RBBP5: variants seen among roughly 807,000 people sequenced by gnomAD.
RBBP5 encodes the protein retinoblastoma-binding protein 5.
In RBBP5, 5 loss-of-function variants were observed where a neutral mutation model predicts 72.2. The ratio of observed to expected loss-of-function variants is 0.07; its 90% CI spans 0.04 to 0.15. The LOEUF is 0.15. Among genes scored for constraint, RBBP5 ranks in the 10% least tolerant of loss-of-function variants. The pLI is 1.00. For synonymous variants in RBBP5, 209 were observed against 237.2 expected, an observed-to-expected ratio of 0.88 and a Z score of 1.09; for missense variants, 322 against 652.2, an observed-to-expected ratio of 0.49 and a Z score of 5.51.
chr1:205,101,319 A>G (rs1655812046), intron 6 of RBBP5, among the ~76,000 whole-genome samples: 1 of 152,218 alleles, frequency 6.6e-6, no homozygotes, highest in South Asian at 2.1e-4. Context: ...AAGTTAATAT[A>G]TACCCAGTGC....
At chr1:205,107,087 T>TATACACAC (rs1553354327) in intron 3 of RBBP5, among the ~76,000 whole-genome samples, 14 of 149,980 alleles carry the variant, frequency 9.3e-5, no homozygotes, top group African/African-American at 3.4e-4. Flanking sequence ...TATATATATA[T>TATACACAC]ACACACACAC....
At position 205,089,685 on chromosome 1, in the gene RBBP5, A is replaced by G. The variant is rs982489497; in HGVS notation, c.1589-870T>C. Among the ~76,000 whole-genome samples, 3 of 152,210 alleles carry G rather than the reference A, an allele frequency of 2.0e-5. No individual in the cohort carries two copies. In the East Asian group the frequency reaches 5.8e-4, roughly 29 times the overall value. ...ATTCACATGTGCCTGAGAACAGACT[A>G]AAGTTACAATGAGATACAAACTTTC... On this transcript the variant is annotated intron_variant, in intron 13 of 13. Transcript: ENST00000264515.
chr1:205,115,824 T>G (rs1216621587), intron 2 of RBBP5, 34 bp downstream of exon 2: 2 of 1,559,442 alleles, frequency 1.3e-6, no homozygotes, highest in Admixed American at 2.1e-5. Context: ...GAAGTTACTA[T>G]GTTCCTAAAA....
rs373309190 is a variant in RBBP5, at chr1:205,094,962, T to C, written c.1499A>G (p.Lys500Arg). Residue 500 changes from lysine (K) to arginine (R), a missense_variant, in exon 13 of 14, where the codon AAA (lysine) becomes AGA (arginine). By Grantham distance (26) the Lys-to-Arg change is conservative (BLOSUM62 2). This residue lies in a region of RBBP5 where 109 missense variants were observed against 146.3 expected (regional missense o/e 0.75). Coordinates refer to ENST00000264515, the MANE Select transcript of RBBP5 (RefSeq NM_005057.4). ...SKGKEKDSPF[K>R]PKLYKGDRGL... is the part of the protein sequence containing the mutation. ...TCTGTCCCCTTTGTAGAGTTTCGGT[T>C]TAAATGGAGAATCTTTCTCTTTACC... 8 of 1,614,054 alleles carry C rather than the reference T, an allele frequency of 5.0e-6. No homozygotes were observed. In the African/African-American group the frequency reaches 9.3e-5, roughly 19 times the overall value.
rs111583149 is a variant in RBBP5, at chr1:205,108,242, C to CAA, written c.219-3076_219-3075dup. Reference sequence around the variant, plus strand: ...TGGGTGACAGAGCATGAATCCGTCTCAAAAAAAAAAAAAATTACTTTTTCT... The same window carrying CAA: ...TGGGTGACAGAGCATGAATCCGTCTCAAAAAAAAAAAAAAAATTACTTTTTCT... On this transcript the variant is annotated intron_variant, in intron 3 of 13. Transcript: ENST00000264515. 1.7e-3 allele frequency among the ~76,000 whole-genome samples: 246 copies of CAA among 141,814 alleles called. 1 individual carries two copies. The highest frequency in any genetic ancestry group is 4.2e-3 in the African/African-American group (160 of 38,466). 93.0% of individuals were successfully genotyped at this position (141,814 alleles called of 152,430 possible).
intron 3 of RBBP5, among the ~76,000 whole-genome samples, chr1:205,109,544 A>G (rs184693186): frequency 3.5e-5 from 5 of 144,486 alleles, no homozygotes; most frequent in Admixed American, 2.9e-4. Context: ...TTTTCCCTCT[A>G]AACTCTTCTG....
At chr1:205,112,322 A>C (rs182960437) in intron 3 of RBBP5, among the ~76,000 whole-genome samples, 61 of 152,326 alleles carry the variant, frequency 4.0e-4, no homozygotes, top group East Asian at 7.7e-4. Flanking sequence ...TGTCTCAAAA[A>C]AATTAAAATA....
chr1:205,102,486 G>C (rs2102289454), intron 5 of RBBP5, among the ~76,000 whole-genome samples: 1 of 152,170 alleles, frequency 6.6e-6, no homozygotes, highest in Middle Eastern at 3.4e-3. Flanking sequence ...AAGGTCAAAG[G>C]GTGTTTCTAG....
At chr1:205,095,333 C>G (rs147539142) in intron 12 of RBBP5, among the ~76,000 whole-genome samples, 3 of 150,958 alleles carry the variant, frequency 2.0e-5, no homozygotes, top group African/African-American at 7.3e-5. Context: ...TGAATGTGGC[C>G]CAACACAAAT....
chr1:205,087,069 T>C lies in RBBP5; in HGVS notation c.*1718A>G, dbSNP rs764396963. ...GAGCTCTTTCTTCAACTACTGAATA[T>C]ACTGGTTTTAAATGATGGAGTGAGA... On this transcript the variant is annotated 3_prime_UTR_variant, in exon 14 of 14. Transcript: ENST00000264515. 6.6e-6 allele frequency: 1 copy of C among 152,210 alleles called. No individual in the cohort carries two copies. The highest frequency in any genetic ancestry group is 1.5e-5 in the Non-Finnish European group (1 of 68,044). 9.4% of individuals were successfully genotyped at this position (152,210 alleles called of 1,614,324 possible).
intron 5 of RBBP5, among the ~76,000 whole-genome samples, chr1:205,102,810 A>G (rs895124738): frequency 1.3e-5 from 2 of 152,104 alleles, no homozygotes; most frequent in Non-Finnish European, 2.9e-5. Context: ...CCTGATCAAC[A>G]TGGAGAGACC....
chr1:205,089,023 T>C (rs1655234894), intron 13 of RBBP5, among the ~76,000 whole-genome samples: 1 of 152,136 alleles, frequency 6.6e-6, no homozygotes, highest in Non-Finnish European at 1.5e-5. Context: ...CCCACCCCAA[T>C]ACTTTCCTCA....
At chr1:205,112,352 C>T (rs148678039) in intron 3 of RBBP5, among the ~76,000 whole-genome samples, 3 of 152,066 alleles carry the variant, frequency 2.0e-5, no homozygotes, top group African/African-American at 4.8e-5. Flanking sequence ...TATAAATTAT[C>T]TCATCTATGA....
chr1:205,107,340 T>C (rs1160221438), intron 3 of RBBP5, among the ~76,000 whole-genome samples: 2 of 151,484 alleles, frequency 1.3e-5, no homozygotes, highest in Admixed American at 1.3e-4. Flanking sequence ...TTCTGAAAAC[T>C]AAAGACAATG....
At chr1:205,103,585 T>C (rs138403243) in intron 5 of RBBP5, among the ~76,000 whole-genome samples, 25 of 152,334 alleles carry the variant, frequency 1.6e-4, no homozygotes, top group Middle Eastern at 3.4e-3. Context: ...GCTGATAACA[T>C]GACATTGAAA....
chr1:205,096,826 G>A lies in RBBP5; in HGVS notation c.1252C>T (p.Pro418Ser). 6.2e-7 allele frequency: 1 copy of A among 1,614,118 alleles called. No individual in the cohort carries two copies. The highest frequency in any genetic ancestry group is 1.6e-4 in the Middle Eastern group (1 of 6,062). Reference protein sequence around the residue: ...VEDPEENPYGPPPDAVQTSLM... With the variant: ...VEDPEENPYGSPPDAVQTSLM... ...GAGGTTTGGACTGCATCCGGTGGGG[G>A]GCCGTAAGGATTTTCTTCTGGGTCT... The change falls in exon 12 of 14, where the codon CCC becomes TCC. Residue 418 changes from proline to serine, a missense_variant. Pro to Ser is a moderately conservative substitution (Grantham distance 74, BLOSUM62 -1). This residue lies in a region of RBBP5 where 109 missense variants were observed against 146.3 expected (regional missense o/e 0.75). Transcript: ENST00000264515.
In RBBP5 at chr1:205,087,246, G is replaced by A. The variant is rs935826430; in HGVS notation, c.*1541C>T. 1.3e-5 allele frequency: 2 copies of A among 150,368 alleles called. No homozygotes were observed. The highest frequency in any genetic ancestry group is 2.1e-4 in the South Asian group (1 of 4,758). The allele number at this position is 150,368 out of a possible 1,614,324, so 9.3% of individuals were successfully genotyped here. Reference sequence around the variant, plus strand: ...GAGTCTCATTCTGTCACCTAGGCTGGAGGGCAGTGGTGCGATCTCCACTCA... The same window carrying A: ...GAGTCTCATTCTGTCACCTAGGCTGAAGGGCAGTGGTGCGATCTCCACTCA... On this transcript the variant is annotated 3_prime_UTR_variant, in exon 14 of 14. Transcript: ENST00000264515.
intron 3 of RBBP5, among the ~76,000 whole-genome samples, chr1:205,109,323 A>G (rs1393392790): frequency 6.6e-6 from 1 of 151,776 alleles, no homozygotes; most frequent in Non-Finnish European, 1.5e-5. Flanking sequence ...AGGAAACCCA[A>G]TTTCTGAAAT....
rs771138311 is a variant in RBBP5 at position 205,112,364 on chromosome 1, G to A, written c.218+2425C>T. On this transcript the variant is annotated intron_variant, in intron 3 of 13. Transcript: ENST00000264515. ...AGTTATAAATTATCTCATCTATGAC[G>A]GCTTTTCTGACCGTTATTCCCCTTC... 1.2e-4 allele frequency among the ~76,000 whole-genome samples: 19 copies of A among 152,138 alleles called. No individual in the cohort carries two copies. The East Asian group carries it at 3.1e-3, about 25-fold the overall frequency.
Sources: allele counts gnomAD v4.1 joint callset (sites outside exome capture counted in the v4.1 genomes callset), GRCh38; gene constraint gnomAD v4.1.1; regional missense constraint gnomAD v4.1.1; transcripts MANE v1.5; gene names NCBI Gene and HGNC (gene_info 2026-07-23, HGNC 2026-07-21).